The following ESRRG variants were observed in gnomAD, a reference collection of about 807,000 sequenced individuals.
ESRRG encodes the protein estrogen-related receptor gamma.
ESRRG carries 13 observed loss-of-function variants against 44.0 expected under a neutral mutation model. The observed-to-expected ratio is 0.30, with a 90% CI of 0.19 to 0.47. The LOEUF (loss-of-function observed/expected upper bound fraction) is 0.47. ESRRG is among the 20% of genes least tolerant of loss of function. ESRRG has a pLI of 1.00. For synonymous variants in ESRRG, 215 were observed against 214.6 expected (o/e 1.00, Z -0.02); for missense variants, 395 against 580.6 (o/e 0.68, Z 3.29).
intron 2 of ESRRG, among the ~76,000 whole-genome samples, chr1:216,675,031 A>G (rs1027419883): frequency 6.6e-6 from 1 of 152,102 alleles, no homozygotes; most frequent in Admixed American, 6.5e-5. Context: ...ATTCAGTGCA[A>G]CTGATGAAGA....
intron 2 of ESRRG, among the ~76,000 whole-genome samples, chr1:216,873,209 GTTTTT>G (rs754735743): frequency 1.0e-4 from 11 of 105,948 alleles, no homozygotes; most frequent in Admixed American, 8.2e-4. Context: ...CATCTTTTCA[GTTTTT>G]TTTTTTTTTT....
chr1:217,042,736 TA>T (rs1037153703), intron 1 of ESRRG, among the ~76,000 whole-genome samples: 26 of 148,084 alleles, frequency 1.8e-4, no homozygotes, highest in Middle Eastern at 3.5e-3. Flanking sequence ...CTGTTCACTT[TA>T]AAAAAAAAAA....
At chr1:216,999,713 T>C (rs2076787089) in intron 1 of ESRRG, among the ~76,000 whole-genome samples, 1 of 150,532 alleles carries the variant, frequency 6.6e-6, no homozygotes. Flanking sequence ...TGATGATTCA[T>C]AGTTTGTGAG....
chr1:216,918,017 C>T (rs2149682197), intron 2 of ESRRG, among the ~76,000 whole-genome samples: 1 of 152,292 alleles, frequency 6.6e-6, no homozygotes, highest in Non-Finnish European at 1.5e-5. Flanking sequence ...TTACCCAGTT[C>T]ATCAAAATGC....
At chr1:217,044,175 G>T (rs1485095850) in intron 1 of ESRRG, among the ~76,000 whole-genome samples, 1 of 152,178 alleles carries the variant, frequency 6.6e-6, no homozygotes, top group East Asian at 1.9e-4. Context: ...TCCTCCATAG[G>T]ATGTACAATA....
chr1:216,600,704 T>C (rs964458280), intron 3 of ESRRG, among the ~76,000 whole-genome samples: 18 of 152,188 alleles, frequency 1.2e-4, no homozygotes, highest in African/African-American at 4.1e-4. Context: ...TCTTGAGGTA[T>C]ACAGATGACT....
chr1:217,029,642 C>T (rs983200417), intron 1 of ESRRG, among the ~76,000 whole-genome samples: 20 of 152,322 alleles, frequency 1.3e-4, no homozygotes, highest in Admixed American at 6.5e-4. Context: ...TACCGCCAGA[C>T]CAATTCATTA....
intron 1 of ESRRG, among the ~76,000 whole-genome samples, chr1:216,943,105 C>T (rs957063150): frequency 6.6e-6 from 1 of 152,064 alleles, no homozygotes; most frequent in African/African-American, 2.4e-5. Context: ...CTGGATTTTG[C>T]ATTGCAAGAT....
At chr1:216,990,936 A>G (rs1214171039) in intron 1 of ESRRG, among the ~76,000 whole-genome samples, 1 of 152,090 alleles carries the variant, frequency 6.6e-6, no homozygotes, top group Non-Finnish European at 1.5e-5. Flanking sequence ...GGGGTCCCCA[A>G]CTGCCCCCCA....
At chr1:216,846,560 G>C (rs1201202679) in intron 2 of ESRRG, among the ~76,000 whole-genome samples, 1 of 152,098 alleles carries the variant, frequency 6.6e-6, no homozygotes, top group Non-Finnish European at 1.5e-5. Flanking sequence ...GACAGAATTT[G>C]GCCTGAGGGC....
intron 2 of ESRRG, among the ~76,000 whole-genome samples, chr1:216,748,607 A>G (rs909807987): frequency 1.3e-5 from 2 of 152,160 alleles, no homozygotes; most frequent in African/African-American, 4.8e-5. Flanking sequence ...TGTTTGCTCA[A>G]GTTACACAAG....
chr1:216,711,609 T>C (rs970286058), intron 1 of ESRRG, among the ~76,000 whole-genome samples: 1 of 152,156 alleles, frequency 6.6e-6, no homozygotes, highest in Non-Finnish European at 1.5e-5. Context: ...AAATTTTACA[T>C]GGATTCTCAA....
rs182938450 is a variant in ESRRG at position 216,705,285 on chromosome 1, C to A, written c.56+17959G>T. ...GTACATGGTAGCCAACTAAAATATT[C>A]TGAATGGCCACATAAACGAATATAA... is the stretch of plus-strand genomic sequence containing the variant. On this transcript the variant is annotated intron_variant, in intron 1 of 6. Coordinates refer to ENST00000408911, the MANE Select transcript of ESRRG (RefSeq NM_001438.4). Among the ~76,000 whole-genome samples, 13 of 151,896 alleles carry A rather than the reference C, an allele frequency of 8.6e-5. No homozygotes were observed. The East Asian group carries it at 2.5e-3, about 29-fold the overall frequency.
At chr1:216,939,450 C>T (rs902158458) in intron 2 of ESRRG, 8 of 146,282 alleles carry the variant, frequency 5.5e-5, no homozygotes, top group African/African-American at 2.0e-4. Context: ...CTATGAAATA[C>T]TAGCCAACAC....
intron 3 of ESRRG, among the ~76,000 whole-genome samples, chr1:216,587,285 C>A (rs915463725): frequency 1.3e-5 from 2 of 152,088 alleles, no homozygotes; most frequent in African/African-American, 4.8e-5. Flanking sequence ...CAATCTATAC[C>A]TTGATTACAG....
rs1490900553 is a variant in ESRRG, at chr1:216,506,549, G to GA, written c.*389dup. The GA allele has an allele frequency of 3.0e-5, 13 of 428,204 alleles. No individual in the cohort carries two copies. Among genetic ancestry groups the GA allele is most frequent in the South Asian group, 1.0e-4 (6 of 58,592 alleles). 26.5% of individuals were successfully genotyped at this position (428,204 alleles called of 1,614,324 possible). Reference sequence around the variant, plus strand: ...TTAAACTAAAGCTATTTCAAATTTAGAAAAAAGGGGAAGGATGAGAAAAGA... The same window carrying GA: ...TTAAACTAAAGCTATTTCAAATTTAGAAAAAAAGGGGAAGGATGAGAAAAGA... On this transcript the variant is annotated 3_prime_UTR_variant, in exon 7 of 7. Coordinates refer to ENST00000408911, the MANE Select transcript of ESRRG (RefSeq NM_001438.4).
intron 2 of ESRRG, among the ~76,000 whole-genome samples, chr1:216,900,498 A>G (rs2058946792): frequency 6.6e-6 from 1 of 152,196 alleles, no homozygotes; most frequent in South Asian, 2.1e-4. Flanking sequence ...GAGCAAAATT[A>G]TATCTGGTGT....
At chr1:216,518,512 G>T (rs1002013903) in intron 6 of ESRRG, among the ~76,000 whole-genome samples, 1 of 152,202 alleles carries the variant, frequency 6.6e-6, no homozygotes, top group East Asian at 1.9e-4. Flanking sequence ...TGCTAAAAGA[G>T]ACTTAAGACC....
chr1:216,809,581 G>C (rs1262269923), intron 2 of ESRRG, among the ~76,000 whole-genome samples: 2 of 152,090 alleles, frequency 1.3e-5, no homozygotes, highest in Non-Finnish European at 2.9e-5. Context: ...TAGAAAACAA[G>C]GTATTTTGTT....
Sources: gnomAD v4.1 joint callset for allele counts (sites outside exome capture counted in the v4.1 genomes callset) on GRCh38, gnomAD v4.1.1 for gene constraint, MANE v1.5 for transcripts, NCBI Gene and HGNC (gene_info 2026-07-23, HGNC 2026-07-21) for gene names.